Variants in INTS15 observed in about 807,000 individuals in gnomAD.
INTS15 encodes integrator complex subunit 15, also known as uncharacterized protein C7orf26.
the INTS15 span, chr7:6,590,027 C>G: frequency 4.9e-6 from 1 of 204,208 alleles, no homozygotes; most frequent in Non-Finnish European, 9.7e-6. Context: ...CGGCATTCGG[C>G]CGCTGTTCGG....
At chr7:6,607,940 G>A in the INTS15 span, 23 of 1,598,016 alleles carry the variant, frequency 1.4e-5, no homozygotes, top group Non-Finnish European at 1.8e-5. This position sits in a 1 kb window ranked among gnomAD's most constrained non-coding sequence, Gnocchi z 6.0. Context: ...CCGCGCTGAC[G>A]CTTATGCTTG....
the INTS15 span, chr7:6,590,024 C>G: frequency 2.1e-4 from 42 of 197,934 alleles, no homozygotes; most frequent in African/African-American, 8.0e-4. Flanking sequence ...GCCCGGCATT[C>G]GGCCGCTGTT....
chr7:6,595,228 C>T, the INTS15 span, among the ~76,000 whole-genome samples: 2 of 152,202 alleles, frequency 1.3e-5, no homozygotes, highest in African/African-American at 4.8e-5. Context: ...GACAGGGTTT[C>T]GCCATGTTGT....
the INTS15 span, among the ~76,000 whole-genome samples, chr7:6,604,336 T>C: frequency 6.6e-6 from 1 of 152,140 alleles, no homozygotes; most frequent in African/African-American, 2.4e-5. Context: ...TGATACTTAG[T>C]AAATGAGCTG....
chr7:6,604,273 C>T, the INTS15 span, among the ~76,000 whole-genome samples: 9 of 152,068 alleles, frequency 5.9e-5, no homozygotes, highest in South Asian at 2.1e-4. Context: ...TGTTTCATAC[C>T]GATGCAGTTA....
chr7:6,594,648 C>T, the INTS15 span: 1 of 1,578,468 alleles, frequency 6.3e-7, no homozygotes. Flanking sequence ...CAGTCAATGG[C>T]TAGTTTTATT....
At chr7:6,598,646 C>T in the INTS15 span, among the ~76,000 whole-genome samples, 1 of 151,752 alleles carries the variant, frequency 6.6e-6, no homozygotes, top group Non-Finnish European at 1.5e-5. Flanking sequence ...CACAGGCAGC[C>T]TAAGGGCATT....
the INTS15 span, among the ~76,000 whole-genome samples, chr7:6,593,932 T>C: frequency 2.6e-5 from 4 of 151,410 alleles, no homozygotes; most frequent in Admixed American, 6.6e-5. Flanking sequence ...ATGACAGGCA[T>C]GAGCCGCCGT....
At chr7:6,596,597 T>C in the INTS15 span, among the ~76,000 whole-genome samples, 1 of 151,770 alleles carries the variant, frequency 6.6e-6, no homozygotes, top group African/African-American at 2.4e-5. Context: ...CAGGTTGGTC[T>C]TGAACTCCTG....
chr7:6,590,092 G>A, the INTS15 span: 4 of 366,574 alleles, frequency 1.1e-5, no homozygotes, highest in South Asian at 2.8e-4. Context: ...GGACCTTCGG[G>A]CGCCTGCTGG....
the INTS15 span, among the ~76,000 whole-genome samples, chr7:6,605,481 A>G: frequency 1.3e-5 from 2 of 152,274 alleles, no homozygotes; most frequent in Admixed American, 6.5e-5. Flanking sequence ...AATCCTGTGT[A>G]TCATCCGAGT....
At chr7:6,593,842 G>A in the INTS15 span, among the ~76,000 whole-genome samples, 1 of 151,416 alleles carries the variant, frequency 6.6e-6, no homozygotes, top group South Asian at 2.1e-4. Context: ...ATAGAGATGG[G>A]TTCTTGCTGT....
chr7:6,595,869 G>C, the INTS15 span, among the ~76,000 whole-genome samples: 1 of 152,040 alleles, frequency 6.6e-6, no homozygotes, highest in Non-Finnish European at 1.5e-5. Context: ...CTTTTCTGCT[G>C]CTGTTTCTGA....
the INTS15 span, chr7:6,594,581 G>T: frequency 6.2e-7 from 1 of 1,614,012 alleles, no homozygotes; most frequent in Non-Finnish European, 8.5e-7. Context: ...CCGTTACCGC[G>T]CTCTATGACC....
chr7:6,601,410 C>G, the INTS15 span, among the ~76,000 whole-genome samples: 1 of 151,804 alleles, frequency 6.6e-6, no homozygotes, highest in Non-Finnish European at 1.5e-5. Context: ...ATTCTACCGC[C>G]TCAGCCTCCC....
chr7:6,598,743 G>GTGTGTT, the INTS15 span, among the ~76,000 whole-genome samples: 1 of 93,862 alleles, frequency 1.1e-5, no homozygotes, highest in Admixed American at 1.2e-4. Flanking sequence ...CTTTGTGTGT[G>GTGTGTT]TGTGTGTGTG....
At chr7:6,592,576 A>AC in the INTS15 span, among the ~76,000 whole-genome samples, 3 of 151,184 alleles carry the variant, frequency 2.0e-5, no homozygotes, top group Admixed American at 6.6e-5. Flanking sequence ...CAAAAAAAAA[A>AC]CTTTTTTTTT....
At chr7:6,600,404 C>T in the INTS15 span, 3 of 1,544,820 alleles carry the variant, frequency 1.9e-6, no homozygotes, top group South Asian at 2.3e-5. Context: ...ACACCGCCGC[C>T]CTGCAGAAGG....
At chr7:6,606,810 A>G in the INTS15 span, among the ~76,000 whole-genome samples, 3 of 151,894 alleles carry the variant, frequency 2.0e-5, no homozygotes, top group East Asian at 5.8e-4. Flanking sequence ...AACTCAAGCA[A>G]TCCTCCTGCC....
Sources: allele counts gnomAD v4.1 joint callset (sites outside exome capture counted in the v4.1 genomes callset), GRCh38; gene constraint gnomAD v4.1.1; non-coding constraint Gnocchi (gnomAD v3.1); transcripts MANE v1.5; gene names NCBI Gene and HGNC (gene_info 2026-07-23, HGNC 2026-07-21).